TNRC18: variants seen among roughly 807,000 people sequenced by gnomAD.
TNRC18 encodes trinucleotide repeat containing 18.
A neutral mutation model predicts 226.7 loss-of-function variants in TNRC18; 69 were observed. The ratio of observed to expected loss-of-function variants is 0.30; its 90% CI spans 0.25 to 0.37. The LOEUF (loss-of-function observed/expected upper bound fraction) is 0.37. Among genes scored for constraint, TNRC18 ranks in the 10% least tolerant of loss-of-function variants. The probability of loss-of-function intolerance (pLI) is 1.00; values close to 1 mark genes in which losing one functional copy is unlikely to be tolerated. For missense variants in TNRC18, 4,754 were observed against 4,256.6 expected (o/e 1.12, Z -3.25); for synonymous variants, 2,449 against 1,927.6 (o/e 1.27, Z -7.09).
chr7:5,377,701 C>A lies in TNRC18; in HGVS notation c.2256-125G>T. 8.6e-7 allele frequency: 1 copy of A among 1,167,224 alleles called. No homozygotes were observed. The highest frequency in any genetic ancestry group is 1.2e-6 in the Non-Finnish European group (1 of 827,820). The allele number at this position is 1,167,224 out of a possible 1,614,324, so 72.3% of individuals were successfully genotyped here. On this transcript the variant is annotated intron_variant, in intron 6 of 29. Coordinates refer to ENST00000430969, the MANE Select transcript of TNRC18 (RefSeq NM_001080495.3). This position sits in a 1 kb window ranked among gnomAD's most constrained non-coding sequence, Gnocchi z 5.8. The stretch of plus-strand genomic sequence containing the variant: ...GAGTCAGGACAACCACTGCTCGGAA[C>A]TGAAGGGCCTCCCGGGGCCTTCCAC...
intron 11 of TNRC18, among the ~76,000 whole-genome samples, chr7:5,365,025 G>C (rs1008133461): frequency 2.9e-5 from 4 of 138,610 alleles, no homozygotes; most frequent in Admixed American, 7.4e-5. Context: ...AGAATCATGT[G>C]GGGGGGCGGG....
rs1313388489 is a variant in TNRC18 at position 5,377,845 on chromosome 7, G to A, written c.2255+77C>T. 2.1e-6 allele frequency: 3 copies of A among 1,422,258 alleles called. No individual in the cohort carries two copies. The highest frequency in any genetic ancestry group is 2.3e-5 in the East Asian group (1 of 43,390). The allele number at this position is 1,422,258 out of a possible 1,614,324, so 88.1% of individuals were successfully genotyped here. On this transcript the variant is annotated intron_variant, in intron 6 of 29. Coordinates refer to ENST00000430969, the MANE Select transcript of TNRC18 (RefSeq NM_001080495.3). The surrounding 1 kb of genome is among the most constrained non-coding windows in gnomAD (Gnocchi z 5.8). Reference sequence around the variant, plus strand: ...CATGGTCGAGGGGCCAAGCCCACCTGGGGTCATCCAGCTGCCCCTCACCCC... The same window carrying A: ...CATGGTCGAGGGGCCAAGCCCACCTAGGGTCATCCAGCTGCCCCTCACCCC...
intron 17 of TNRC18, among the ~76,000 whole-genome samples, chr7:5,346,887 C>G (rs1002002528): frequency 6.6e-6 from 1 of 152,194 alleles, no homozygotes; most frequent in Admixed American, 6.5e-5. Context: ...CCGTGACTTG[C>G]AGGCAGGAAC....
chr7:5,359,524 T>C lies in TNRC18; in HGVS notation c.4707A>G (p.Gly1569=), dbSNP rs780800496. Reference sequence around the variant, plus strand: ...CCTTGTGTCTCTTTCTTATCCCTGCTCCCAGCTCATAATCATCTGATGTCA... The same window carrying C: ...CCTTGTGTCTCTTTCTTATCCCTGCCCCCAGCTCATAATCATCTGATGTCA... ...SLLTSDDYEL[G]AGIRKRHKGS... The change falls in exon 15 of 30, where the codon GGA becomes GGG. Residue 1569 remains glycine (G), a synonymous_variant. Coordinates refer to ENST00000430969, the MANE Select transcript of TNRC18 (RefSeq NM_001080495.3). The C allele has an allele frequency of 1.9e-6, 3 of 1,613,862 alleles. No individual in the cohort carries two copies. In the African/African-American group the frequency reaches 4.0e-5, roughly 22 times the overall value.
intron 2 of TNRC18, chr7:5,420,531 A>C: frequency 9.0e-6 from 4 of 443,710 alleles, no homozygotes; most frequent in South Asian, 6.3e-5. Flanking sequence ...GGCTGGGGTC[A>C]CCGTACTCCC....
rs1584053141 is a variant in TNRC18 at position 5,394,650 on chromosome 7, C to T, written c.188-55G>A. On this transcript the variant is annotated intron_variant, in intron 2 of 29. Coordinates refer to ENST00000430969, the MANE Select transcript of TNRC18 (RefSeq NM_001080495.3). The surrounding 1 kb of genome is among the most constrained non-coding windows in gnomAD (Gnocchi z 4.5). ...GCAGACAACCAGGGAGGCGCCGCCGCCCCAGCCCACCGCCCCGACCCACCG... is the reference window on the plus strand; with the variant it reads ...GCAGACAACCAGGGAGGCGCCGCCGTCCCAGCCCACCGCCCCGACCCACCG... 7.2e-7 allele frequency: 1 copy of T among 1,390,120 alleles called. No individual in the cohort carries two copies. Among genetic ancestry groups the T allele is most frequent in the Non-Finnish European group, 9.8e-7 (1 of 1,019,904 alleles). The allele number at this position is 1,390,120 out of a possible 1,614,324, so 86.1% of individuals were successfully genotyped here. A position where few individuals can be genotyped will look rare whatever the true frequency, so the allele number is the denominator to read the frequency against.
intron 2 of TNRC18, among the ~76,000 whole-genome samples, chr7:5,406,977 G>A (rs547842845): frequency 6.6e-6 from 1 of 152,288 alleles, no homozygotes; most frequent in South Asian, 2.1e-4. Context: ...TTCCTGCAGG[G>A]AGCTAGGGCC....
In TNRC18 at chr7:5,390,700, G is replaced by A. The variant is rs537376458; in HGVS notation, c.344-72C>T. ...CACCAGGAGCTTCCTTCCAGCTCCT[G>A]GAAATAAACTATTTTGGCAGCCGAC... On this transcript the variant is annotated intron_variant, in intron 3 of 29. Coordinates refer to ENST00000430969, the MANE Select transcript of TNRC18 (RefSeq NM_001080495.3). 4.2e-6 allele frequency: 6 copies of A among 1,434,420 alleles called. No individual in the cohort carries two copies. In the African/African-American group the frequency reaches 7.2e-5, roughly 17 times the overall value. 88.9% of individuals were successfully genotyped at this position (1,434,420 alleles called of 1,614,324 possible).
At position 5,332,486 on chromosome 7, in the gene TNRC18, G is replaced by A. The variant is rs1789630182; in HGVS notation, c.6147+136C>T. On this transcript the variant is annotated intron_variant, in intron 19 of 29. Transcript: ENST00000430969. The stretch of plus-strand genomic sequence containing the variant: ...CTGCTGTGGCTAAGTCCTAGCAGGG[G>A]CTCCGGGCGGGCCTGGAGCCGAGTA... The A allele has an allele frequency of 3.1e-5, 29 of 942,004 alleles. No individual in the cohort carries two copies. The South Asian group carries it at 4.2e-4, about 14-fold the overall frequency. 58.4% of individuals were successfully genotyped at this position (942,004 alleles called of 1,614,324 possible).
chr7:5,366,149 G>A (rs1173105558), intron 11 of TNRC18, among the ~76,000 whole-genome samples: 1 of 151,866 alleles, frequency 6.6e-6, no homozygotes, highest in Non-Finnish European at 1.5e-5. Flanking sequence ...TCTGCTGGGG[G>A]CTTGTCCTCT....
At chr7:5,390,717 G>A in intron 3 of TNRC18, 89 bp from the exon 4 acceptor site, 1 of 1,404,158 alleles carries the variant, frequency 7.1e-7, no homozygotes, top group South Asian at 1.6e-5. Context: ...AACTATTTTG[G>A]CAGCCGACCG....
At position 5,313,193 on chromosome 7, in the gene TNRC18, G is replaced by A; in HGVS notation, c.7698C>T (p.Gly2566=). Residue 2566 remains glycine (G), a synonymous_variant, in exon 27 of 30, where the codon GGC becomes GGT. Coordinates refer to ENST00000430969, the MANE Select transcript of TNRC18 (RefSeq NM_001080495.3). ...ESESSSSSSS[G]SSSSSSSSSS... ...TGCTGCTGCTGCTGCTGCTACTGCT[G>A]CCACTACTGCTGCTGCTGCTGCTCT... The A allele has an allele frequency of 1.3e-6, 2 of 1,541,280 alleles. No individual in the cohort carries two copies. Among genetic ancestry groups the A allele is most frequent in the Non-Finnish European group, 1.8e-6 (2 of 1,142,620 alleles).
rs3801047 is a variant in TNRC18, at chr7:5,327,380, T to C, written c.6148-2132A>G. On this transcript the variant is annotated intron_variant, in intron 19 of 29. Transcript: ENST00000430969. The stretch of plus-strand genomic sequence containing the variant: ...ATATGTGTGTGTTTGTGCGTGTGTG[T>C]GTGTGTGTGTGTGTGTGTGTGTGTG... 9.0e-3 allele frequency among the ~76,000 whole-genome samples: 732 copies of C among 81,484 alleles called. 5 individuals carry two copies. Among genetic ancestry groups the C allele is most frequent in the African/African-American group, 0.031 (624 of 19,926 alleles). 53.5% of individuals were successfully genotyped at this position (81,484 alleles called of 152,430 possible).
intron 11 of TNRC18, among the ~76,000 whole-genome samples, chr7:5,363,558 G>C (rs371760696): frequency 9.3e-4 from 141 of 152,094 alleles, no homozygotes; most frequent in East Asian, 8.9e-3. Context: ...AAGCCGAGAT[G>C]GCGCCACTGC....
rs1419243112 is a variant in TNRC18 at position 5,306,917 on chromosome 7, A to AAGTC, written c.*1185_*1188dup. The AAGTC allele has an allele frequency of 2.0e-5, 3 of 151,160 alleles. No homozygotes were observed. The highest frequency in any genetic ancestry group is 4.4e-5 in the Non-Finnish European group (3 of 67,836). 9.4% of individuals were successfully genotyped at this position (151,160 alleles called of 1,614,324 possible). On this transcript the variant is annotated 3_prime_UTR_variant, in exon 30 of 30. Transcript: ENST00000430969. ...ATAATTCCCCCAAAAAACAAACCCA[A>AAGTC]AGTCTGGCTTTTCCTTCCCTCAAGA... is the stretch of plus-strand genomic sequence containing the variant.
intron 11 of TNRC18, among the ~76,000 whole-genome samples, chr7:5,364,733 G>T (rs1793444257): frequency 6.7e-6 from 1 of 149,796 alleles, no homozygotes; most frequent in Non-Finnish European, 1.5e-5. Flanking sequence ...GAACCCAGGA[G>T]GCAGAGGTTG....
At position 5,366,412 on chromosome 7, in the gene TNRC18, C is replaced by T. The variant is rs146243535; in HGVS notation, c.4220-3587G>A. Among the ~76,000 whole-genome samples the T allele has an allele frequency of 1.1e-3, 158 of 140,960 alleles. 1 individual carries two copies. In the East Asian group the frequency reaches 0.019, roughly 17 times the overall value. 92.5% of individuals were successfully genotyped at this position (140,960 alleles called of 152,430 possible). ...GACCAATCTTGGCTCATGCAACCTT[C>T]GCCTCCTGGATTCAAGCAATTCTGC... On this transcript the variant is annotated intron_variant, in intron 11 of 29. Transcript: ENST00000430969.
intron 11 of TNRC18, among the ~76,000 whole-genome samples, chr7:5,363,031 C>T (rs1007471493): frequency 4.6e-5 from 7 of 152,334 alleles, no homozygotes; most frequent in South Asian, 4.1e-4. Flanking sequence ...TGGTGGCTCA[C>T]GCCTGTAATC....
chr7:5,411,767 G>A (rs1781859573), intron 2 of TNRC18, among the ~76,000 whole-genome samples: 1 of 151,968 alleles, frequency 6.6e-6, no homozygotes, highest in Non-Finnish European at 1.5e-5. Flanking sequence ...TGGCTCTCCA[G>A]CACACCCAAG....
Sources: allele counts gnomAD v4.1 joint callset (sites outside exome capture counted in the v4.1 genomes callset), GRCh38; gene constraint gnomAD v4.1.1; non-coding constraint Gnocchi (gnomAD v3.1); transcripts MANE v1.5; gene names NCBI Gene and HGNC (gene_info 2026-07-23, HGNC 2026-07-21).